MPP2: variants seen among roughly 807,000 people sequenced by gnomAD.
MPP2 encodes the protein MAGUK p55 scaffold protein 2.
A neutral mutation model predicts 58.5 loss-of-function variants in MPP2; 42 were observed. That is an observed-to-expected ratio of 0.72 (90% confidence interval 0.56 to 0.93). MPP2 has a LOEUF of 0.93. Ranked by LOEUF, MPP2 falls within the 40% of genes least tolerant of loss-of-function variation. The pLI, the probability that MPP2 is intolerant of heterozygous loss-of-function variation, is 0.00. For synonymous variants in MPP2, 300 were observed against 307.8 expected, an observed-to-expected ratio of 0.97 and a Z score of 0.26; for missense variants, 632 against 760.4, an observed-to-expected ratio of 0.83 and a Z score of 1.99.
In MPP2 at chr17:43,875,708, G is replaced by A. The variant is rs1447907486; in HGVS notation, c.*2099C>T. 3 of 152,376 alleles carry A rather than the reference G, an allele frequency of 2.0e-5. No individual in the cohort carries two copies. Among genetic ancestry groups the A allele is most frequent in the Non-Finnish European group, 2.9e-5 (2 of 68,180 alleles). The allele number at this position is 152,376 out of a possible 1,614,324, so 9.4% of individuals were successfully genotyped here. A position where few individuals can be genotyped will look rare whatever the true frequency, so the allele number is the denominator to read the frequency against. ...GGTAGGAGGCTGCTCAGAGAGGAAA[G>A]ACCGAGAAGAGACAGGAGGGAAGGG... On this transcript the variant is annotated 3_prime_UTR_variant, in exon 13 of 13. Coordinates refer to ENST00000269095, the MANE Select transcript of MPP2 (RefSeq NM_005374.5).
rs902783556 is a variant in MPP2 at position 43,875,378 on chromosome 17, C to T, written c.*2429G>A. The T allele has an allele frequency of 6.6e-6, 1 of 152,206 alleles. No homozygotes were observed. Among genetic ancestry groups the T allele is most frequent in the African/African-American group, 2.4e-5 (1 of 41,414 alleles). The allele number at this position is 152,206 out of a possible 1,614,324, so 9.4% of individuals were successfully genotyped here. The stretch of plus-strand genomic sequence containing the variant: ...AGAAGCCTTTGCTTTCACATTTAAT[C>T]CAAGGAAAAAGAAAGAAAACCAATC... On this transcript the variant is annotated 3_prime_UTR_variant, in exon 13 of 13. Transcript: ENST00000269095.
chr17:43,890,704 G>A (rs554726377), intron 3 of MPP2, among the ~76,000 whole-genome samples: 1 of 152,370 alleles, frequency 6.6e-6, no homozygotes, highest in South Asian at 2.1e-4. Context: ...TCAAATGTGA[G>A]CAGAGGCTTA....
At chr17:43,892,468 ACT>A (rs2047647304) in intron 3 of MPP2, among the ~76,000 whole-genome samples, 2 of 152,200 alleles carry the variant, frequency 1.3e-5, no homozygotes, top group African/African-American at 2.4e-5. Flanking sequence ...TCTGAGAGAC[ACT>A]GTCTTTGATG....
intron 3 of MPP2, among the ~76,000 whole-genome samples, chr17:43,889,290 A>G (rs2047499020): frequency 6.6e-6 from 1 of 152,030 alleles, no homozygotes; most frequent in Admixed American, 6.6e-5. Context: ...ACTAAAAAAC[A>G]AAGCTCTTGT....
intron 3 of MPP2, among the ~76,000 whole-genome samples, chr17:43,895,409 G>A (rs1419657876): frequency 1.3e-5 from 2 of 152,306 alleles, no homozygotes; most frequent in African/African-American, 2.4e-5. Flanking sequence ...ACACCGTGCC[G>A]TGTGCCTCAT....
intron 1 of MPP2, among the ~76,000 whole-genome samples, chr17:43,905,110 G>A (rs1362145169): frequency 5.3e-5 from 8 of 151,932 alleles, no homozygotes; most frequent in African/African-American, 1.2e-4. Flanking sequence ...CCAGGAGGTC[G>A]AGGCTACGGT....
Position 43,877,870 on chromosome 17 carries a change from G to A in MPP2, c.1596C>T (p.Leu532=), listed in dbSNP as rs762826668. 6.2e-6 allele frequency: 10 copies of A among 1,614,072 alleles called. No individual in the cohort carries two copies. The South Asian group carries it at 8.8e-5, about 14-fold the overall frequency. ...TCCGTAGCTTCTCCATGGCTGTCTG[G>A]AGCTCGCGGAAGGTCCTCTCCAGGT... is the stretch of plus-strand genomic sequence containing the variant. The part of the protein sequence containing the change: ...NSNLERTFRE[L]QTAMEKLRTE... The change falls in exon 13 of 13, where the codon CTC becomes CTT. Residue 532 remains leucine, a synonymous_variant. Transcript: ENST00000269095.
chr17:43,900,504 C>A (rs768875038), intron 2 of MPP2: 3 of 1,548,484 alleles, frequency 1.9e-6, no homozygotes, highest in Non-Finnish European at 2.6e-6. Flanking sequence ...TCAGAAGACT[C>A]CAGGGATATA....
rs772592561 is a variant in MPP2, at chr17:43,880,733, G to C, written c.1108C>G (p.Leu370Val). Residue 370 changes from leucine to valine, a missense_variant, in exon 10 of 13, where the codon CTC becomes GTC. Transcript: ENST00000269095. This position sits in a 1 kb window ranked among gnomAD's most constrained non-coding sequence, Gnocchi z 5.2. ...TAGCGATCTGGATCCCACATGATGA[G>C]CTTGTTCTTCAGGCTGCGCCGTCCC... is the stretch of plus-strand genomic sequence containing the variant. The part of the protein sequence containing the change: ...GVGRRSLKNK[L>V]IMWDPDRYGT... 1.2e-6 allele frequency: 2 copies of C among 1,613,842 alleles called. No individual in the cohort carries two copies. Among genetic ancestry groups the C allele is most frequent in the Non-Finnish European group, 1.7e-6 (2 of 1,179,828 alleles).
At chr17:43,904,885 C>A (rs231484) in intron 1 of MPP2, among the ~76,000 whole-genome samples, 65,874 of 152,028 alleles carry the variant, frequency 0.43, 15,022 homozygotes, top group East Asian at 0.67. Context: ...GAGGGTAAGA[C>A]TATAATTTGG....
At chr17:43,896,721 A>G (rs2047863640) in intron 3 of MPP2, among the ~76,000 whole-genome samples, 1 of 152,068 alleles carries the variant, frequency 6.6e-6, no homozygotes, top group Non-Finnish European at 1.5e-5. Context: ...TGGACAGTCG[A>G]GGTCCCCATC....
upstream of MPP2, among the ~76,000 whole-genome samples, chr17:43,908,606 T>G (rs972421260): frequency 1.3e-5 from 2 of 152,164 alleles, no homozygotes; most frequent in Non-Finnish European, 2.9e-5. Flanking sequence ...CTGGGCGTGG[T>G]AGCGCGCGCC....
chr17:43,905,341 C>T (rs2048247985), intron 1 of MPP2: 1 of 152,240 alleles, frequency 6.6e-6, no homozygotes, highest in Non-Finnish European at 1.5e-5. Context: ...CCACATTTAT[C>T]TGGGGGGCTG....
At position 43,877,827 on chromosome 17, in the gene MPP2, G is replaced by T; in HGVS notation, c.1639C>A (p.Pro547Thr). The stretch of plus-strand genomic sequence containing the variant: ...CAGGCTCAGTACACCCAGCTGACAG[G>T]CACCCACTGGGGCTCTGTCCGTAGC... ...EKLRTEPQWVPVSWVY is the reference protein window; with the variant it reads ...EKLRTEPQWVTVSWVY Residue 547 changes from proline (P) to threonine (T), a missense_variant, in exon 13 of 13, where the codon CCT becomes ACT. Pro to Thr is a conservative substitution (Grantham distance 38). Transcript: ENST00000269095. 1 of 1,613,842 alleles carries T rather than the reference G, an allele frequency of 6.2e-7. No individual in the cohort carries two copies. The highest frequency in any genetic ancestry group is 8.5e-7 in the Non-Finnish European group (1 of 1,179,808).
At chr17:43,905,052 C>T (rs1335359518) in intron 1 of MPP2, among the ~76,000 whole-genome samples, 2 of 147,398 alleles carry the variant, frequency 1.4e-5, no homozygotes, top group Non-Finnish European at 3.0e-5. Flanking sequence ...TGGTGCATGC[C>T]TATGATCCCA....
chr17:43,883,533 C>T, intron 3 of MPP2, 178 bp from the exon 4 acceptor site: 1 of 679,698 alleles, frequency 1.5e-6, no homozygotes, highest in South Asian at 2.1e-5. Flanking sequence ...TTGCTGTCTC[C>T]TTTCTTCCCC....
intron 2 of MPP2, among the ~76,000 whole-genome samples, chr17:43,901,715 G>A (rs1449538184): frequency 1.3e-5 from 2 of 152,220 alleles, no homozygotes; most frequent in Non-Finnish European, 2.9e-5. Context: ...GACAGGGGAA[G>A]AGGGAGCAAG....
rs762935713 is a variant in MPP2, at chr17:43,879,833, G to A, written c.1302C>T (p.Ile434=). 1.2e-5 allele frequency: 19 copies of A among 1,613,962 alleles called. No homozygotes were observed. In the Middle Eastern group the frequency reaches 4.9e-4, roughly 42 times the overall value. ...CCTTCCCAGCAGCGACCACGCCCCG[G>A]ATGGAGTCAATACGTGTGCCATACA... ...GNLYGTRIDS[I]RGVVAAGKVC... is the part of the protein sequence containing the mutation. The change falls in exon 11 of 13, where the codon ATC becomes ATT. Residue 434 remains isoleucine, a synonymous_variant. Transcript: ENST00000269095. The surrounding 1 kb of genome is among the most constrained non-coding windows in gnomAD (Gnocchi z 4.1).
chr17:43,895,523 T>G (rs1325076880), intron 3 of MPP2, among the ~76,000 whole-genome samples: 2 of 152,214 alleles, frequency 1.3e-5, no homozygotes, highest in African/African-American at 2.4e-5. Context: ...CTCTTTTGTA[T>G]TTATTCATTC....
Sources: allele counts gnomAD v4.1 joint callset (sites outside exome capture counted in the v4.1 genomes callset), GRCh38; gene constraint gnomAD v4.1.1; non-coding constraint Gnocchi (gnomAD v3.1); transcripts MANE v1.5; gene names NCBI Gene and HGNC (gene_info 2026-07-23, HGNC 2026-07-21).